The following NIN variants were observed in gnomAD, a reference collection of about 807,000 sequenced individuals.
The protein encoded by NIN is glycogen synthase kinase 3 beta-interacting protein.
In NIN, 137 loss-of-function variants were observed where a neutral mutation model predicts 257.6. The ratio of observed to expected loss-of-function variants is 0.53; its 90% CI spans 0.46 to 0.61. The LOEUF is 0.61. Among genes scored for constraint, NIN ranks in the 20% least tolerant of loss-of-function variants. NIN has a pLI of 0.00. For synonymous variants in NIN, 918 were observed against 919.8 expected (o/e 1.00, Z 0.04); for missense variants, 2,439 against 2,501.2 (o/e 0.98, Z 0.53).
chr14:50,827,521 G>A (rs1378790676), intron 2 of NIN, among the ~76,000 whole-genome samples: 1 of 151,598 alleles, frequency 6.6e-6, no homozygotes, highest in African/African-American at 2.4e-5. Flanking sequence ...GCTGAGGCAG[G>A]TGGATCACAA....
At chr14:50,819,591 CCT>C (rs2045101820) in intron 3 of NIN, among the ~76,000 whole-genome samples, 1 of 152,194 alleles carries the variant, frequency 6.6e-6, no homozygotes, top group Non-Finnish European at 1.5e-5. Flanking sequence ...GTCACTTAAA[CCT>C]CTTTTTCTTT....
intron 27 of NIN, 87 bp from the exon 28 acceptor site, chr14:50,735,704 C>G (rs2040941756): frequency 2.8e-6 from 4 of 1,451,396 alleles, no homozygotes; most frequent in Non-Finnish European, 2.7e-6. Flanking sequence ...CTGTGCTTGT[C>G]AGAAATCTCA....
In NIN at chr14:50,723,496, CGCTGGT is replaced by C; in HGVS notation, c.6363_6368del (p.Ala2123_Pro2124del). 2.5e-6 allele frequency: 4 copies of C among 1,612,728 alleles called. No homozygotes were observed. In the South Asian group the frequency reaches 4.4e-5, roughly 18 times the overall value. On this transcript the variant is annotated inframe_deletion, in exon 31 of 31. Transcript: ENST00000530997. ...TCAAAGGAGGTGTAGAAGTCAATGG[CGCTGGT>C]GTCAGATTCCTAACTATATTACTGA...
chr14:50,776,802 G>T, intron 7 of NIN, 147 bp downstream of exon 7: 1 of 705,914 alleles, frequency 1.4e-6, no homozygotes, highest in South Asian at 2.0e-5. Context: ...GAGCTCCTCA[G>T]TGACAGAATC....
At chr14:50,754,490 A>G in intron 20 of NIN, 73 bp downstream of exon 20, 1 of 1,232,190 alleles carries the variant, frequency 8.1e-7, no homozygotes, top group Non-Finnish European at 1.2e-6. Flanking sequence ...CGTGTGCTGT[A>G]AATTTATAAA....
chr14:50,736,834 TCA>T (rs2041004176), intron 27 of NIN, among the ~76,000 whole-genome samples: 2 of 152,244 alleles, frequency 1.3e-5, no homozygotes, highest in Non-Finnish European at 1.5e-5. Context: ...AATATTTTTC[TCA>T]GATTTCTAAA....
intron 18 of NIN, among the ~76,000 whole-genome samples, chr14:50,756,113 T>C (rs1020646106): frequency 2.6e-5 from 4 of 151,234 alleles, no homozygotes; most frequent in Middle Eastern, 3.4e-3. Flanking sequence ...TTCATTTGTA[T>C]ATAACATGTT....
At chr14:50,747,319 AAAGTTAT>A (rs143268118) in intron 22 of NIN, among the ~76,000 whole-genome samples, 5,519 of 152,334 alleles carry the variant, frequency 0.036, 102 homozygotes, top group Non-Finnish European at 0.048. Flanking sequence ...CAGAATTAGA[AAAGTTAT>A]AAGCAAGATA....
chr14:50,813,430 TA>T (rs1566875573), intron 3 of NIN, among the ~76,000 whole-genome samples: 1 of 152,152 alleles, frequency 6.6e-6, no homozygotes, highest in African/African-American at 2.4e-5. Context: ...TGACGAAAAA[TA>T]CACATGACAT....
chr14:50,770,611 C>T, intron 11 of NIN, 49 bp from the exon 12 acceptor site: 1 of 1,590,050 alleles, frequency 6.3e-7, no homozygotes. Context: ...TTCAGAGGTC[C>T]CAGTATCAAT....
chr14:50,733,376 C>A (rs1248793045), intron 28 of NIN, among the ~76,000 whole-genome samples: 1 of 152,168 alleles, frequency 6.6e-6, no homozygotes, highest in African/African-American at 2.4e-5. Flanking sequence ...TAGGCATGAG[C>A]CACTGTGCCT....
chr14:50,814,399 T>C (rs2044781848), intron 3 of NIN, among the ~76,000 whole-genome samples: 1 of 152,194 alleles, frequency 6.6e-6, no homozygotes, highest in South Asian at 2.1e-4. Flanking sequence ...TACAGCCAAA[T>C]ACAGCAAGTT....
At chr14:50,759,488 G>T (rs2042179609) in intron 17 of NIN, among the ~76,000 whole-genome samples, 1 of 139,654 alleles carries the variant, frequency 7.2e-6, no homozygotes, top group Admixed American at 7.6e-5. Context: ...TCTCTTAAGC[G>T]ACTGGCACTT....
Position 50,720,176 on chromosome 14 carries a change from C to T in NIN, c.*3287G>A, listed in dbSNP as rs931715780. On this transcript the variant is annotated 3_prime_UTR_variant, in exon 31 of 31. Transcript: ENST00000530997. ...AAACATGATGATTTTTAAATGAGTG[C>T]TTTGGTTAATTAGGCTTTGACTTGG... 4.0e-5 allele frequency: 9 copies of T among 222,826 alleles called. No individual in the cohort carries two copies. Among genetic ancestry groups the T allele is most frequent in the African/African-American group, 2.0e-4 (9 of 44,744 alleles). 13.8% of individuals were successfully genotyped at this position (222,826 alleles called of 1,614,324 possible).
rs1288571842 is a variant in NIN, at chr14:50,729,716, T to G, written c.5885A>C (p.His1962Pro). Residue 1962 changes from histidine to proline, a missense_variant, in exon 29 of 31, where the codon CAC becomes CCC. His to Pro is a moderately conservative substitution (Grantham distance 77). Coordinates refer to ENST00000530997, the MANE Select transcript of NIN (RefSeq NM_020921.4). ...KLDEQLMEMQ[H>P]LRSTATPSPS... ...GCTAGGCGTCGCAGTGGACCTCAGG[T>G]GCTGCATCTGAAGGACAAGGGCAAA... 2 of 1,599,528 alleles carry G rather than the reference T, an allele frequency of 1.3e-6. No homozygotes were observed. The highest frequency in any genetic ancestry group is 2.7e-5 in the African/African-American group (2 of 74,592).
Position 50,721,039 on chromosome 14 carries a change from G to A in NIN, c.*2424C>T, listed in dbSNP as rs887823360. 2.6e-5 allele frequency: 5 copies of A among 192,720 alleles called. No individual in the cohort carries two copies. The East Asian group carries it at 3.3e-4, about 13-fold the overall frequency. The allele number at this position is 192,720 out of a possible 1,614,324, so 11.9% of individuals were successfully genotyped here. Reference sequence around the variant, plus strand: ...AGTTTACATTTAATGTCTTTAAAAGGTCTTTTAAAAGCTATAAGTTCTATT... The same window carrying A: ...AGTTTACATTTAATGTCTTTAAAAGATCTTTTAAAAGCTATAAGTTCTATT... On this transcript the variant is annotated 3_prime_UTR_variant, in exon 31 of 31. Transcript: ENST00000530997.
intron 3 of NIN, among the ~76,000 whole-genome samples, chr14:50,821,252 CCT>C (rs1455202231): frequency 1.3e-5 from 2 of 151,998 alleles, no homozygotes; most frequent in African/African-American, 4.8e-5. Context: ...AAAAAAAGAC[CCT>C]CTCTCACTTC....
intron 14 of NIN, among the ~76,000 whole-genome samples, chr14:50,765,840 T>C: frequency 1.5e-5 from 1 of 66,530 alleles, no homozygotes; most frequent in Admixed American, 2.0e-4. Flanking sequence ...AGCTAACATT[T>C]ATGTTTTTTT....
chr14:50,769,844 G>A (rs1003693348), intron 12 of NIN, among the ~76,000 whole-genome samples: 1 of 151,952 alleles, frequency 6.6e-6, no homozygotes, highest in Non-Finnish European at 1.5e-5. Flanking sequence ...TTGGCAGGCC[G>A]AGGCTGGAGG....
Sources: allele counts gnomAD v4.1 joint callset (sites outside exome capture counted in the v4.1 genomes callset), GRCh38; gene constraint gnomAD v4.1.1; transcripts MANE v1.5; gene names NCBI Gene and HGNC (gene_info 2026-07-23, HGNC 2026-07-21).